VPS13A: variants seen among roughly 807,000 people sequenced by gnomAD.
VPS13A encodes vacuolar protein sorting 13 homolog A, also known as intermembrane lipid transfer protein VPS13A.
In VPS13A, 264 loss-of-function variants were observed where a neutral mutation model predicts 390.9. The observed-to-expected ratio is 0.68, with a 90% CI of 0.61 to 0.75. The LOEUF (loss-of-function observed/expected upper bound fraction) is 0.75. Ranked by LOEUF, VPS13A falls within the 30% of genes least tolerant of loss-of-function variation. The probability of loss-of-function intolerance (pLI) is 0.00; values close to 1 mark genes in which losing one functional copy is unlikely to be tolerated. For missense variants in VPS13A, 3,409 were observed against 3,733.9 expected, an observed-to-expected ratio of 0.91 and a Z score of 2.27; for synonymous variants, 1,231 against 1,227.1, an observed-to-expected ratio of 1.00 and a Z score of -0.07.
intron 19 of VPS13A, among the ~76,000 whole-genome samples, chr9:77,242,497 T>G (rs1451902683): frequency 1.3e-5 from 2 of 152,106 alleles, no homozygotes; most frequent in Non-Finnish European, 2.9e-5. Flanking sequence ...TAAATTAGAT[T>G]GTACATGAAT....
intron 57 of VPS13A, among the ~76,000 whole-genome samples, chr9:77,358,989 C>T (rs568137087): frequency 1.3e-5 from 2 of 152,240 alleles, no homozygotes; most frequent in South Asian, 2.1e-4. Flanking sequence ...CTTTATAACT[C>T]GCTCAGAAGC....
chr9:77,270,383 T>C (rs1267688258), intron 23 of VPS13A, among the ~76,000 whole-genome samples: 1 of 152,234 alleles, frequency 6.6e-6, no homozygotes, highest in Non-Finnish European at 1.5e-5. Context: ...AATTATGTTC[T>C]AGTGATGAAG....
At chr9:77,402,732 C>T (rs1299506446) in intron 68 of VPS13A, among the ~76,000 whole-genome samples, 1 of 152,140 alleles carries the variant, frequency 6.6e-6, no homozygotes, top group African/African-American at 2.4e-5. Flanking sequence ...CTTGGGGTCC[C>T]TGTTTGTCCA....
At chr9:77,329,690 A>G (rs1830185444) in intron 45 of VPS13A, among the ~76,000 whole-genome samples, 2 of 152,222 alleles carry the variant, frequency 1.3e-5, no homozygotes, top group African/African-American at 4.8e-5. Flanking sequence ...GCACCAATAG[A>G]CTTGCTTGAT....
intron 63 of VPS13A, among the ~76,000 whole-genome samples, chr9:77,369,662 T>A (rs2131585890): frequency 6.6e-6 from 1 of 152,268 alleles, no homozygotes; most frequent in East Asian, 1.9e-4. Flanking sequence ...AAAAGGTGGA[T>A]AAAGTAGAAA....
intron 29 of VPS13A, 42 bp downstream of exon 29, chr9:77,282,316 A>T (rs756768409): frequency 6.0e-5 from 88 of 1,465,260 alleles, no homozygotes; most frequent in Non-Finnish European, 7.5e-5. Flanking sequence ...TTTTTTTTTT[A>T]ACCATGTAGG....
chr9:77,185,270 T>A (rs1028956741), intron 1 of VPS13A, among the ~76,000 whole-genome samples: 3 of 151,934 alleles, frequency 2.0e-5, no homozygotes, highest in Non-Finnish European at 2.9e-5. Flanking sequence ...GCCTCCCGAG[T>A]AGCTGGGACT....
chr9:77,354,207 G>A (rs1410541983), intron 54 of VPS13A, among the ~76,000 whole-genome samples: 1 of 151,736 alleles, frequency 6.6e-6, no homozygotes, highest in Non-Finnish European at 1.5e-5. Context: ...TGTATAACCA[G>A]GATAATGTAA....
At chr9:77,414,453 G>A (rs542290214) in intron 71 of VPS13A, among the ~76,000 whole-genome samples, 6 of 152,018 alleles carry the variant, frequency 3.9e-5, no homozygotes, top group Non-Finnish European at 5.9e-5. Flanking sequence ...CATGGATGAA[G>A]CTGGAAACCA....
chr9:77,382,831 TAGAC>T (rs1833511617), intron 68 of VPS13A: 13 of 985,342 alleles, frequency 1.3e-5, no homozygotes, highest in Non-Finnish European at 1.4e-5. Flanking sequence ...TCTGGAACAA[TAGAC>T]AGTTTGAAGT....
chr9:77,352,234 A>C (rs1160084544), intron 53 of VPS13A, among the ~76,000 whole-genome samples: 2 of 152,234 alleles, frequency 1.3e-5, no homozygotes, highest in Non-Finnish European at 2.9e-5. Flanking sequence ...AAAGTTATGC[A>C]CATATATTTT....
At chr9:77,267,792 G>A (rs975397678) in intron 23 of VPS13A, among the ~76,000 whole-genome samples, 1 of 152,190 alleles carries the variant, frequency 6.6e-6, no homozygotes, top group Admixed American at 6.5e-5. Context: ...CAGGTGCTCC[G>A]TCCCAGGGAG....
intron 57 of VPS13A, 131 bp from the exon 58 acceptor site, chr9:77,359,202 A>G (rs572441145): frequency 5.2e-5 from 40 of 768,864 alleles, no homozygotes; most frequent in South Asian, 1.3e-4. Context: ...GATTTTGCCA[A>G]TATCAGTAAT....
At position 77,416,889 on chromosome 9, in the gene VPS13A, AACAG is replaced by A. The variant is rs1480903031; in HGVS notation, c.*888_*891del. 2 of 152,606 alleles carry A rather than the reference AACAG, an allele frequency of 1.3e-5. No homozygotes were observed. Among genetic ancestry groups the A allele is most frequent in the Non-Finnish European group, 2.9e-5 (2 of 68,014 alleles). 9.5% of individuals were successfully genotyped at this position (152,606 alleles called of 1,614,324 possible). A position where few individuals can be genotyped will look rare whatever the true frequency, so the allele number is the denominator to read the frequency against. Reference sequence around the variant, plus strand: ...ATCTTAGATAGTGTATTATGCTTCCAACAGACAGTCCCTCTCATATAAAGTTTAT... The same window carrying A: ...ATCTTAGATAGTGTATTATGCTTCCAACAGTCCCTCTCATATAAAGTTTAT... On this transcript the variant is annotated 3_prime_UTR_variant, in exon 72 of 72. Coordinates refer to ENST00000360280, the MANE Select transcript of VPS13A (RefSeq NM_033305.3).
rs1825675961 is a variant in VPS13A, at chr9:77,260,186, C to T, written c.2389C>T (p.Pro797Ser). 1 of 1,613,248 alleles carries T rather than the reference C, an allele frequency of 6.2e-7. No individual in the cohort carries two copies. The highest frequency in any genetic ancestry group is 1.7e-5 in the Admixed American group (1 of 60,002). The change falls in exon 23 of 72, where the codon CCA (proline) becomes TCA (serine). Residue 797 changes from proline (P) to serine (S), a missense_variant. Coordinates refer to ENST00000360280, the MANE Select transcript of VPS13A (RefSeq NM_033305.3). The part of the protein sequence containing the change: ...ELIESIPKPE[P>S]VTEVSAPVKS... ...GATTGAAAGCATTCCAAAACCTGAA[C>T]CAGTAACTGAAGTATCTGCCCCTGT...
chr9:77,345,855 G>C (rs552651431), intron 52 of VPS13A, among the ~76,000 whole-genome samples: 2 of 152,154 alleles, frequency 1.3e-5, no homozygotes, highest in African/African-American at 4.8e-5. Flanking sequence ...CCACAGGGCT[G>C]GACTAGCAAG....
At chr9:77,316,527 C>G in intron 39 of VPS13A, 121 bp downstream of exon 39, 1 of 783,502 alleles carries the variant, frequency 1.3e-6, no homozygotes, top group Non-Finnish European at 2.1e-6. Flanking sequence ...GTCTTTCTCT[C>G]TGCTTAGAGA....
chr9:77,296,979 A>G (rs556618204), intron 33 of VPS13A, among the ~76,000 whole-genome samples: 1 of 152,196 alleles, frequency 6.6e-6, no homozygotes, highest in Admixed American at 6.5e-5. Context: ...ATCTGTAATG[A>G]TGTGTCCTCC....
At chr9:77,178,625 G>A (rs1823807640) in intron 1 of VPS13A, among the ~76,000 whole-genome samples, 1 of 152,200 alleles carries the variant, frequency 6.6e-6, no homozygotes, top group South Asian at 2.1e-4. Flanking sequence ...CGCTGCCTAG[G>A]TGGTGAAGGA....
Sources: gnomAD v4.1 joint callset for allele counts (sites outside exome capture counted in the v4.1 genomes callset) on GRCh38, gnomAD v4.1.1 for gene constraint, MANE v1.5 for transcripts, NCBI Gene and HGNC (gene_info 2026-07-23, HGNC 2026-07-21) for gene names.